Variants in HSPA12A observed in about 807,000 individuals in gnomAD.
The protein encoded by HSPA12A is heat shock 70 kDa protein 12A.
Under a neutral mutation model 69.2 loss-of-function variants are expected in HSPA12A, and 28 were observed. The ratio of observed to expected loss-of-function variants is 0.40; its 90% CI spans 0.30 to 0.55. HSPA12A has a LOEUF of 0.55. Ranked by LOEUF, HSPA12A falls within the 20% of genes least tolerant of loss-of-function variation. The probability of loss-of-function intolerance (pLI) is 0.38; values close to 1 mark genes in which losing one functional copy is unlikely to be tolerated. For synonymous variants in HSPA12A, 345 were observed against 370.5 expected (o/e 0.93, Z 0.79); for missense variants, 686 against 900.7 (o/e 0.76, Z 3.05).
rs1277925911 is a variant in HSPA12A at position 116,709,175 on chromosome 10, G to A, written c.41-1890C>T. On this transcript the variant is annotated intron_variant, in intron 1 of 11. Transcript: ENST00000369209. ...ACAGATGAAGGGATAGGCTGGGCGC[G>A]GTGGCTCACGCCTATAATCCCAGCA... Among the ~76,000 whole-genome samples, 8 of 152,298 alleles carry A rather than the reference G, an allele frequency of 5.3e-5. 1 individual carries two copies. The South Asian group carries it at 8.3e-4, about 16-fold the overall frequency.
chr10:116,689,177 G>A (rs532550593), intron 6 of HSPA12A, among the ~76,000 whole-genome samples: 26 of 152,146 alleles, frequency 1.7e-4, no homozygotes, highest in Admixed American at 1.7e-3. Flanking sequence ...TCATCTCCCA[G>A]CTCTGCTTCC....
At chr10:116,823,056 G>A (rs1404451838) in intron 2 of HSPA12A, among the ~76,000 whole-genome samples, 1 of 152,150 alleles carries the variant, frequency 6.6e-6, no homozygotes, top group African/African-American at 2.4e-5. Context: ...GCTTAACTTT[G>A]TCTGAGGTTA....
intron 2 of HSPA12A, among the ~76,000 whole-genome samples, chr10:116,798,080 G>A (rs1476994452): frequency 4.0e-5 from 6 of 151,636 alleles, no homozygotes; most frequent in Admixed American, 3.3e-4. Context: ...ACCAGATCAC[G>A]TGGGGTCTCC....
intron 1 of HSPA12A, among the ~76,000 whole-genome samples, chr10:116,732,096 C>G (rs988901324): frequency 6.6e-6 from 1 of 151,846 alleles, no homozygotes; most frequent in African/African-American, 2.4e-5. Context: ...TTTGGGAGGC[C>G]AAGGTAGGCA....
chr10:116,739,179 G>A (rs989426966), intron 1 of HSPA12A, among the ~76,000 whole-genome samples: 1 of 152,068 alleles, frequency 6.6e-6, no homozygotes, highest in Non-Finnish European at 1.5e-5. Context: ...TGACCACCTG[G>A]GGCCTGCATC....
intron 9 of HSPA12A, among the ~76,000 whole-genome samples, chr10:116,680,877 T>C (rs1554878477): frequency 6.6e-6 from 1 of 152,218 alleles, no homozygotes; most frequent in African/African-American, 2.4e-5. Context: ...TGCAATCTCA[T>C]CCTTTCGGAA....
intron 2 of HSPA12A, among the ~76,000 whole-genome samples, chr10:116,749,502 G>A (rs529434581): frequency 2.0e-5 from 3 of 152,310 alleles, no homozygotes; most frequent in Admixed American, 6.5e-5. Context: ...TTTGCCCCAC[G>A]GCATTCTGAG....
At chr10:116,706,321 C>A (rs1554882419) in intron 2 of HSPA12A, among the ~76,000 whole-genome samples, 1 of 152,002 alleles carries the variant, frequency 6.6e-6, no homozygotes, top group East Asian at 1.9e-4. Flanking sequence ...TCACACCGCT[C>A]CCCTCCCTCA....
chr10:116,711,836 T>TC (rs1554883134), intron 1 of HSPA12A, among the ~76,000 whole-genome samples: 1 of 151,604 alleles, frequency 6.6e-6, no homozygotes, highest in African/African-American at 2.4e-5. Context: ...GCTAATGTTT[T>TC]TTTTTTTTAA....
At chr10:116,777,138 C>A (rs1844355738) in intron 2 of HSPA12A, among the ~76,000 whole-genome samples, 1 of 152,086 alleles carries the variant, frequency 6.6e-6, no homozygotes, top group African/African-American at 2.4e-5. Flanking sequence ...AGATGCGCCC[C>A]TTTTCTTCCC....
At chr10:116,804,100 ATTTATAGCC>A (rs907085270) in intron 2 of HSPA12A, among the ~76,000 whole-genome samples, 7 of 151,976 alleles carry the variant, frequency 4.6e-5, no homozygotes, top group Admixed American at 3.3e-4. Context: ...GCACATACGC[ATTTATAGCC>A]TTTGCTTCCC....
intron 6 of HSPA12A, among the ~76,000 whole-genome samples, chr10:116,687,715 T>TG (rs1411840479): frequency 4.6e-5 from 7 of 152,232 alleles, no homozygotes; most frequent in African/African-American, 1.7e-4. Context: ...CCTATGGGTC[T>TG]GTTTGCCTGG....
chr10:116,687,992 G>A (rs1391365582), intron 6 of HSPA12A, among the ~76,000 whole-genome samples: 2 of 151,568 alleles, frequency 1.3e-5, no homozygotes, highest in Non-Finnish European at 2.9e-5. Flanking sequence ...GTTTTTTTTT[G>A]CGATTTTTTT....
intron 1 of HSPA12A, among the ~76,000 whole-genome samples, chr10:116,714,908 G>A (rs1468005176): frequency 1.3e-5 from 2 of 152,176 alleles, no homozygotes; most frequent in Non-Finnish European, 2.9e-5. Flanking sequence ...ACCCTTCAGG[G>A]ACCTCCACCT....
At chr10:116,690,057 A>G (rs1849692566) in intron 6 of HSPA12A, among the ~76,000 whole-genome samples, 1 of 152,256 alleles carries the variant, frequency 6.6e-6, no homozygotes, top group Admixed American at 6.5e-5. Context: ...AAAATTAATC[A>G]TCACAGGTAC....
intron 1 of HSPA12A, among the ~76,000 whole-genome samples, chr10:116,842,535 CT>C (rs1845817918): frequency 6.6e-6 from 1 of 152,152 alleles, no homozygotes; most frequent in Non-Finnish European, 1.5e-5. Context: ...ACAAAAATAG[CT>C]TTAAGCTGTG....
In HSPA12A at chr10:116,767,888, C is replaced by T. The variant is rs543350435; in HGVS notation, c.92-60603G>A. 7.2e-5 allele frequency among the ~76,000 whole-genome samples: 11 copies of T among 152,276 alleles called. No individual in the cohort carries two copies. In the South Asian group the frequency reaches 2.1e-3, roughly 29 times the overall value. Reference sequence around the variant, plus strand: ...AGGGAGTAACTACCTCTTCTAATCACGTGTACCCCCAGTATCTCAGAGGCA... The same window carrying T: ...AGGGAGTAACTACCTCTTCTAATCATGTGTACCCCCAGTATCTCAGAGGCA... On this transcript the variant is annotated intron_variant, in intron 2 of 12. Transcript: ENST00000635765.
At chr10:116,793,619 T>A (rs972801557) in intron 2 of HSPA12A, among the ~76,000 whole-genome samples, 5 of 151,672 alleles carry the variant, frequency 3.3e-5, no homozygotes, top group African/African-American at 1.2e-4. Context: ...TTAAAAGACA[T>A]CACAACAATG....
At chr10:116,769,775 G>T (rs1278143414) in intron 2 of HSPA12A, among the ~76,000 whole-genome samples, 1 of 152,230 alleles carries the variant, frequency 6.6e-6, no homozygotes, top group Non-Finnish European at 1.5e-5. Flanking sequence ...AGACAACAGG[G>T]AGAGAAACAC....
Sources: allele counts gnomAD v4.1 joint callset (sites outside exome capture counted in the v4.1 genomes callset), GRCh38; gene constraint gnomAD v4.1.1; transcripts MANE v1.5; gene names NCBI Gene and HGNC (gene_info 2026-07-23, HGNC 2026-07-21).